Variants in CDKN2C observed in about 807,000 individuals in gnomAD.
CDKN2C encodes cyclin-dependent kinase 4 inhibitor C.
A neutral mutation model predicts 11.0 loss-of-function variants in CDKN2C; 5 were observed. That is an observed-to-expected ratio of 0.45 (90% CI 0.24 to 0.95). The LOEUF is 0.95. CDKN2C is among the 40% of genes least tolerant of loss of function. The pLI is 0.21. For missense variants in CDKN2C, 161 were observed against 211.9 expected (o/e 0.76, Z 1.49); for synonymous variants, 79 against 88.3 (o/e 0.89, Z 0.59).
At chr1:50,969,422 ACT>A (rs1174325433), upstream of CDKN2C, 7 of 151,144 alleles carry the variant, frequency 4.6e-5, no homozygotes, top group Non-Finnish European at 1.0e-4. This position sits in a 1 kb window ranked among gnomAD's most constrained non-coding sequence, Gnocchi z 6.6. Flanking sequence ...TTTCCGCATC[ACT>A]CTCCTTCCTC....
upstream of CDKN2C, among the ~76,000 whole-genome samples, chr1:50,966,632 T>TA (rs1381386627): frequency 6.6e-6 from 1 of 152,070 alleles, no homozygotes; most frequent in African/African-American, 2.4e-5. Flanking sequence ...GTGTAATACT[T>TA]ATGTATGCCT....
Position 50,970,459 on chromosome 1 carries a change from G to C in CDKN2C, c.91G>C (p.Val31Leu), listed in dbSNP as rs200956660. ...LTSLLQNNVN[V>L]NAQNGFGRTA... is the part of the protein sequence containing the mutation. ...TAGTTTGTTGCAAAATAATGTAAAC[G>C]TCAATGCACAAAATGGATTTGGAAG... Residue 31 changes from valine (V) to leucine (L), a missense_variant, in exon 1 of 2, where the codon GTC (valine) becomes CTC (leucine). Coordinates refer to ENST00000371761, the MANE Select transcript of CDKN2C (RefSeq NM_078626.3). The C allele has an allele frequency of 1.5e-5, 25 of 1,614,010 alleles. No individual in the cohort carries two copies. Among genetic ancestry groups the C allele is most frequent in the Non-Finnish European group, 2.5e-6 (3 of 1,180,024 alleles).
Position 50,970,505 on chromosome 1 carries a change from T to TTAAGAGAG in CDKN2C, c.129+9_129+16dup. 6.2e-7 allele frequency: 1 copy of TTAAGAGAG among 1,614,098 alleles called. No individual in the cohort carries two copies. Among genetic ancestry groups the TTAAGAGAG allele is most frequent in the South Asian group, 1.1e-5 (1 of 91,082 alleles). ...GGAAGGACTGCGCTGCAGGTTGGTA[T>TTAAGAGAG]TAAGAGAGGTGGGGAAAACAAGTCA... is the stretch of plus-strand genomic sequence containing the variant. On this transcript the variant is annotated intron_variant, in intron 1 of 1. Transcript: ENST00000371761.
At chr1:50,962,878 A>G (rs1168804878) in intron 1 of CDKN2C, among the ~76,000 whole-genome samples, 1 of 152,244 alleles carries the variant, frequency 6.6e-6, no homozygotes, top group Non-Finnish European at 1.5e-5. Flanking sequence ...AAATATTGGT[A>G]TCACACTAAC....
In CDKN2C at chr1:50,974,159, T is replaced by C. The variant is rs769772017; in HGVS notation, c.396T>C (p.His132=). The C allele has an allele frequency of 7.4e-6, 12 of 1,613,936 alleles. No individual in the cohort carries two copies. The Admixed American group carries it at 8.3e-5, about 11-fold the overall frequency. The part of the protein sequence containing the change: ...LVKHTASNVG[H]RNHKGDTACD... The stretch of plus-strand genomic sequence containing the variant: ...AGCACACGGCCAGCAATGTGGGGCA[T>C]CGGAACCATAAGGGGGACACCGCCT... Residue 132 remains histidine (H), a synonymous_variant, in exon 2 of 2, where the codon CAT becomes CAC. Coordinates refer to ENST00000371761, the MANE Select transcript of CDKN2C (RefSeq NM_078626.3).
upstream of CDKN2C, chr1:50,970,122 C>A: frequency 1.8e-6 from 1 of 552,368 alleles, no homozygotes; most frequent in Non-Finnish European, 3.2e-6. Context: ...AGGGGTTAAG[C>A]TAAAAAAGCG....
At position 50,963,510 on chromosome 1, in the gene CDKN2C, G is replaced by T. The variant is rs80111547; in HGVS notation, c.-1976+2707G>T. Reference sequence around the variant, plus strand: ...TTTGCTCAAAGTCATGCTACAGAGTGACAGACCTAGGATTCAAGACTAGGT... The same window carrying T: ...TTTGCTCAAAGTCATGCTACAGAGTTACAGACCTAGGATTCAAGACTAGGT... On this transcript the variant is annotated intron_variant, in intron 1 of 3. Transcript: ENST00000262662. 7.0e-4 allele frequency among the ~76,000 whole-genome samples: 107 copies of T among 152,288 alleles called. 4 individuals are homozygous for T. In the East Asian group the frequency reaches 0.02, roughly 28 times the overall value.
chr1:50,965,484 A>T (rs1645343731), upstream of CDKN2C, among the ~76,000 whole-genome samples: 1 of 151,810 alleles, frequency 6.6e-6, no homozygotes, highest in Admixed American at 6.6e-5. Flanking sequence ...TGACAGAGAG[A>T]GACTCTGTCT....
At position 50,973,880 on chromosome 1, in the gene CDKN2C, ACTT is replaced by A. The variant is rs1173439773; in HGVS notation, c.130-9_130-7del. ...GCACTTGAAGGATTCTACCATTTCT[ACTT>A]CTTTTCCAGGTTATGAAACTTGGAA... is the stretch of plus-strand genomic sequence containing the variant. On this transcript the variant is annotated splice_polypyrimidine_tract_variant and intron_variant, in intron 1 of 1. Coordinates refer to ENST00000371761, the MANE Select transcript of CDKN2C (RefSeq NM_078626.3). 1 of 1,613,854 alleles carries A rather than the reference ACTT, an allele frequency of 6.2e-7. No individual in the cohort carries two copies.
Position 50,974,453 on chromosome 1 carries a change from C to G in CDKN2C, c.*183C>G. ...ATATATTTAAGCAACATCTTTTTAA[C>G]CTGCAAAATCTGTTCTAACATGTAA... On this transcript the variant is annotated 3_prime_UTR_variant, in exon 2 of 2. Coordinates refer to ENST00000371761, the MANE Select transcript of CDKN2C (RefSeq NM_078626.3). 3.9e-6 allele frequency: 2 copies of G among 511,558 alleles called. No homozygotes were observed. Among genetic ancestry groups the G allele is most frequent in the Middle Eastern group, 5.1e-4 (1 of 1,944 alleles). 31.7% of individuals were successfully genotyped at this position (511,558 alleles called of 1,614,324 possible). A position where few individuals can be genotyped will look rare whatever the true frequency, so the allele number is the denominator to read the frequency against.
At chr1:50,961,334 G>A (rs1163431968) in intron 1 of CDKN2C, among the ~76,000 whole-genome samples, 1 of 152,120 alleles carries the variant, frequency 6.6e-6, no homozygotes, top group Non-Finnish European at 1.5e-5. Context: ...CACTGCACCC[G>A]GCCTATTCAT....
upstream of CDKN2C, chr1:50,969,583 G>A (rs1354885945): frequency 6.6e-6 from 1 of 152,364 alleles, no homozygotes; most frequent in African/African-American, 2.4e-5. The surrounding 1 kb of genome is among the most constrained non-coding windows in gnomAD (Gnocchi z 6.6). Flanking sequence ...CTGGCGGGCG[G>A]GCTCCGGAGC....
At chr1:50,961,087 G>GT (rs981447081) in intron 1 of CDKN2C, among the ~76,000 whole-genome samples, 1 of 152,056 alleles carries the variant, frequency 6.6e-6, no homozygotes, top group Non-Finnish European at 1.5e-5. Context: ...CCGGGCTGGA[G>GT]TGCAGTGGCG....
upstream of CDKN2C, among the ~76,000 whole-genome samples, chr1:50,967,604 TG>T (rs1230028767): frequency 6.6e-6 from 1 of 152,236 alleles, no homozygotes; most frequent in African/African-American, 2.4e-5. Context: ...ATTTTTTGCT[TG>T]GTTTCATTTT....
intron 1 of CDKN2C, among the ~76,000 whole-genome samples, chr1:50,962,330 G>C (rs1019351793): frequency 6.6e-6 from 1 of 152,180 alleles, no homozygotes; most frequent in Admixed American, 6.5e-5. Flanking sequence ...GTTGCAGTGT[G>C]AACCAAGATC....
chr1:50,970,605 T>C, intron 1 of CDKN2C, 108 bp downstream of exon 1: 1 of 1,327,192 alleles, frequency 7.5e-7, no homozygotes, highest in Non-Finnish European at 1.1e-6. Flanking sequence ...TTTCACTGTT[T>C]TTAAACCTAG....
chr1:50,974,113 G>A lies in CDKN2C; in HGVS notation c.350G>A (p.Arg117Gln), dbSNP rs76146486. The change falls in exon 2 of 2, where the codon CGG (arginine) becomes CAG (glutamine). Residue 117 changes from arginine to glutamine, a missense_variant. Physicochemically the swap from Arg to Gln is conservative, Grantham distance 43. Transcript: ENST00000371761. The stretch of plus-strand genomic sequence containing the variant: ...TTGGCTGCCAAAGAAGGCCACCTCC[G>A]GGTGGTGGAGTTCCTGGTGAAGCAC... The part of the protein sequence containing the change: ...LHLAAKEGHL[R>Q]VVEFLVKHTA... 618 of 1,614,172 alleles carry A rather than the reference G, an allele frequency of 3.8e-4. 5 individuals carry two copies. The African/African-American group carries it at 7.4e-3, about 19-fold the overall frequency.
intron 1 of CDKN2C, among the ~76,000 whole-genome samples, chr1:50,961,067 G>A (rs941397734): frequency 2.0e-5 from 3 of 150,902 alleles, no homozygotes; most frequent in African/African-American, 7.4e-5. Flanking sequence ...ACGGAGTCTC[G>A]CACTGTGGCC....
intron 1 of CDKN2C, among the ~76,000 whole-genome samples, chr1:50,971,833 A>G (rs1158385247): frequency 6.6e-6 from 1 of 152,138 alleles, no homozygotes; most frequent in Admixed American, 6.5e-5. Context: ...CAACTTTGCA[A>G]TCTTGTTTAT....
Sources: allele counts gnomAD v4.1 joint callset (sites outside exome capture counted in the v4.1 genomes callset), GRCh38; gene constraint gnomAD v4.1.1; non-coding constraint Gnocchi (gnomAD v3.1); transcripts MANE v1.5; gene names NCBI Gene and HGNC (gene_info 2026-07-23, HGNC 2026-07-21).